Variants in CNRIP1 observed in about 807,000 individuals in gnomAD.
CNRIP1 encodes cannabinoid receptor interacting protein 1.
A neutral mutation model predicts 15.2 loss-of-function variants in CNRIP1; 10 were observed. The observed-to-expected ratio is 0.66, with a 90% CI of 0.41 to 1.12. CNRIP1 has a LOEUF of 1.12. CNRIP1 is among the 50% of genes most tolerant of loss of function. The pLI, the probability that CNRIP1 is intolerant of heterozygous loss-of-function variation, is 0.00. For missense variants in CNRIP1, 211 were observed against 214.7 expected (o/e 0.98, Z 0.11); for synonymous variants, 91 against 83.2 (o/e 1.09, Z -0.51).
intron 2 of CNRIP1, among the ~76,000 whole-genome samples, chr2:68,306,197 C>G (rs1411555699): frequency 7.2e-6 from 1 of 139,518 alleles, no homozygotes; most frequent in Non-Finnish European, 1.5e-5. Flanking sequence ...AGCTACTCAG[C>G]AGGCTGAGGT....
chr2:68,310,731 G>C (rs1304914330), intron 2 of CNRIP1, among the ~76,000 whole-genome samples: 1 of 147,268 alleles, frequency 6.8e-6, no homozygotes, highest in Non-Finnish European at 1.5e-5. Context: ...AAAAAGTCAG[G>C]CTGTAATAAT....
At chr2:68,313,769 T>A (rs964111896) in intron 2 of CNRIP1, among the ~76,000 whole-genome samples, 3 of 152,176 alleles carry the variant, frequency 2.0e-5, no homozygotes, top group African/African-American at 7.2e-5. Flanking sequence ...TGGTGCATTT[T>A]ATGTTAATCA....
intron 2 of CNRIP1, among the ~76,000 whole-genome samples, chr2:68,297,507 G>T (rs1340151976): frequency 7.0e-6 from 1 of 142,262 alleles, no homozygotes; most frequent in Non-Finnish European, 1.5e-5. Context: ...GGCAGAGGTT[G>T]CAGTGAGCTG....
At chr2:68,312,530 T>C (rs1672130857) in intron 2 of CNRIP1, among the ~76,000 whole-genome samples, 1 of 152,182 alleles carries the variant, frequency 6.6e-6, no homozygotes. Context: ...AAAAACAGAA[T>C]GCTTTCTCTC....
intron 2 of CNRIP1, among the ~76,000 whole-genome samples, chr2:68,308,948 T>C (rs1474899123): frequency 6.6e-6 from 1 of 152,090 alleles, no homozygotes; most frequent in Non-Finnish European, 1.5e-5. Flanking sequence ...CATCTCATCA[T>C]TAGAAGGGAG....
chr2:68,299,920 C>T (rs911666706), intron 2 of CNRIP1, among the ~76,000 whole-genome samples: 2 of 152,172 alleles, frequency 1.3e-5, no homozygotes, highest in African/African-American at 2.4e-5. Flanking sequence ...ATCAAGATCA[C>T]GTAGAAATCC....
chr2:68,305,822 C>T (rs1366986571), intron 2 of CNRIP1, among the ~76,000 whole-genome samples: 1 of 145,026 alleles, frequency 6.9e-6, no homozygotes, highest in African/African-American at 2.6e-5. Context: ...CACACACACA[C>T]ACCTGGCAGT....
chr2:68,298,562 C>A (rs1278346492), intron 2 of CNRIP1, among the ~76,000 whole-genome samples: 1 of 152,096 alleles, frequency 6.6e-6, no homozygotes, highest in Non-Finnish European at 1.5e-5. Context: ...ACAAAGGAGA[C>A]CAAAGTTAAA....
At position 68,318,490 on chromosome 2, in the gene CNRIP1, G is replaced by A. The variant is rs141285873; in HGVS notation, c.179+732C>T. 3.0e-4 allele frequency among the ~76,000 whole-genome samples: 46 copies of A among 152,268 alleles called. No homozygotes were observed. In the East Asian group the frequency reaches 8.7e-3, roughly 29 times the overall value. On this transcript the variant is annotated intron_variant, in intron 1 of 2. Coordinates refer to ENST00000263655, the MANE Select transcript of CNRIP1 (RefSeq NM_015463.3). The stretch of plus-strand genomic sequence containing the variant: ...TGGGTGCATTATCCAGCGGTCGCTG[G>A]CAAGAAATCGTCCCTGCCATGGATA...
At position 68,319,505 on chromosome 2, in the gene CNRIP1, G is replaced by A. The variant is rs1672415965; in HGVS notation, c.-105C>T. 13 of 1,225,080 alleles carry A rather than the reference G, an allele frequency of 1.1e-5. No individual in the cohort carries two copies. The highest frequency in any genetic ancestry group is 1.4e-5 in the Non-Finnish European group (13 of 920,150). The allele number at this position is 1,225,080 out of a possible 1,614,324, so 75.9% of individuals were successfully genotyped here. A position where few individuals can be genotyped will look rare whatever the true frequency, so the allele number is the denominator to read the frequency against. The stretch of plus-strand genomic sequence containing the variant: ...GGCGGAGAGGAAGCGCGGGGAGGGT[G>A]AGGGAGGTGGTGGAGCTGAGGCTGC... On this transcript the variant is annotated 5_prime_UTR_variant, in exon 1 of 3. Transcript: ENST00000263655.
intron 2 of CNRIP1, among the ~76,000 whole-genome samples, chr2:68,315,671 G>T (rs1222352688): frequency 1.3e-5 from 2 of 152,070 alleles, no homozygotes; most frequent in African/African-American, 4.8e-5. Flanking sequence ...TATATGGAAT[G>T]ATACTCAAAT....
chr2:68,294,123 A>G, intron 2 of CNRIP1, 97 bp from the exon 3 acceptor site: 1 of 1,302,540 alleles, frequency 7.7e-7, no homozygotes, highest in Non-Finnish European at 1.1e-6. Context: ...ATAATCAAGC[A>G]GACCCAGTCC....
chr2:68,297,674 T>C (rs1026226621), intron 2 of CNRIP1, among the ~76,000 whole-genome samples: 4 of 150,208 alleles, frequency 2.7e-5, no homozygotes, highest in East Asian at 1.9e-4. Flanking sequence ...TTTAAAGAGA[T>C]ACTATTCCTC....
intron 2 of CNRIP1, among the ~76,000 whole-genome samples, chr2:68,305,274 A>ATGTGTGTGTGTGTGTGTGTGTG (rs10601379): frequency 1.4e-4 from 17 of 120,650 alleles, no homozygotes; most frequent in East Asian, 2.2e-4. Context: ...ATATATATAT[A>ATGTGTGTGTGTGTGTGTGTGTG]TGTGTGTGTG....
chr2:68,297,567 CAAAAAAAAAAAAAAAAAAA>C (rs112601365), intron 2 of CNRIP1, among the ~76,000 whole-genome samples: 51,682 of 101,998 alleles, frequency 0.51, 11,531 homozygotes, highest in East Asian at 0.74. Flanking sequence ...GACACTGTCT[CAAAAAAAAAAAAAAAAAAA>C]AAAAAAAAAA....
rs1189553794 is a variant in CNRIP1, at chr2:68,319,265, A to T, written c.136T>A (p.Tyr46Asn). Residue 46 changes from tyrosine to asparagine, a missense_variant, in exon 1 of 3, where the codon TAC becomes AAC. Coordinates refer to ENST00000263655, the MANE Select transcript of CNRIP1 (RefSeq NM_015463.3). ...RTIKLLTGSS[Y>N]KVEVKIKPST... is the part of the protein sequence containing the mutation. Reference sequence around the variant, plus strand: ...GGTTTAATCTTCACCTCAACCTTGTAGGAGGAGCCGGTGAGCAGCTTGATG... The same window carrying T: ...GGTTTAATCTTCACCTCAACCTTGTTGGAGGAGCCGGTGAGCAGCTTGATG... 1 of 1,550,364 alleles carries T rather than the reference A, an allele frequency of 6.5e-7. No homozygotes were observed. Among genetic ancestry groups the T allele is most frequent in the South Asian group, 1.2e-5 (1 of 84,016 alleles).
intron 2 of CNRIP1, among the ~76,000 whole-genome samples, chr2:68,294,827 T>C (rs1335148779): frequency 1.3e-5 from 2 of 152,220 alleles, no homozygotes; most frequent in Non-Finnish European, 2.9e-5. Context: ...GTACCTTGCA[T>C]GTATAAAAAT....
At chr2:68,310,864 T>C (rs1672046500) in intron 2 of CNRIP1, among the ~76,000 whole-genome samples, 1 of 151,950 alleles carries the variant, frequency 6.6e-6, no homozygotes, top group East Asian at 1.9e-4. Context: ...CTTGAGAAAC[T>C]GAAACTATAA....
In CNRIP1 at chr2:68,293,038, T is replaced by G. The variant is rs1391926728; in HGVS notation, c.*824A>C. On this transcript the variant is annotated 3_prime_UTR_variant, in exon 3 of 3. Coordinates refer to ENST00000263655, the MANE Select transcript of CNRIP1 (RefSeq NM_015463.3). ...TTTTCAACGCCTTTATTAAGAAATATCAAAAGTTGATTACAGGTCCATATG... is the reference window on the plus strand; with the variant it reads ...TTTTCAACGCCTTTATTAAGAAATAGCAAAAGTTGATTACAGGTCCATATG... The G allele has an allele frequency of 1.2e-5, 12 of 985,298 alleles. No homozygotes were observed. Among genetic ancestry groups the G allele is most frequent in the South Asian group, 4.7e-5 (1 of 21,292 alleles). 61.0% of individuals were successfully genotyped at this position (985,298 alleles called of 1,614,324 possible).
Sources: gnomAD v4.1 joint callset for allele counts (sites outside exome capture counted in the v4.1 genomes callset) on GRCh38, gnomAD v4.1.1 for gene constraint, MANE v1.5 for transcripts, NCBI Gene and HGNC (gene_info 2026-07-23, HGNC 2026-07-21) for gene names.